The following VXN variants were observed in gnomAD, a reference collection of about 807,000 sequenced individuals.
The protein encoded by VXN is vexin.
In VXN, 7 loss-of-function variants were observed where a neutral mutation model predicts 23.1. That is an observed-to-expected ratio of 0.30 (90% confidence interval 0.17 to 0.57). VXN has a LOEUF of 0.57. VXN is among the 20% of genes least tolerant of loss of function. The pLI is 0.91. For missense variants in VXN, 238 were observed against 272.6 expected (o/e 0.87, Z 0.89); for synonymous variants, 120 against 105.8 (o/e 1.13, Z -0.83).
At chr8:66,504,589 C>CA (rs1171888049) in intron 2 of VXN, among the ~76,000 whole-genome samples, 17 of 152,000 alleles carry the variant, frequency 1.1e-4, no homozygotes, top group East Asian at 3.9e-4. Flanking sequence ...CAATTTTTTC[C>CA]AAAAAAATAC....
At chr8:66,505,786 T>C (rs760042095) in intron 3 of VXN, among the ~76,000 whole-genome samples, 16 of 152,184 alleles carry the variant, frequency 1.1e-4, no homozygotes, top group Non-Finnish European at 1.8e-4. Flanking sequence ...GCAAAGATGC[T>C]CTTATCTAAT....
chr8:66,503,438 C>T (rs1464924646), intron 2 of VXN: 2 of 152,196 alleles, frequency 1.3e-5, no homozygotes, highest in Non-Finnish European at 2.9e-5. Context: ...AAGTGTGAAT[C>T]AAAGACGTCA....
At chr8:66,502,877 C>T (rs1484896010) in intron 2 of VXN, among the ~76,000 whole-genome samples, 2 of 150,466 alleles carry the variant, frequency 1.3e-5, no homozygotes, top group Non-Finnish European at 3.0e-5. Context: ...GATGGGGTCT[C>T]ACTCTGTCCC....
chr8:66,514,512 T>A (rs1187596770), intron 5 of VXN, among the ~76,000 whole-genome samples: 2 of 152,184 alleles, frequency 1.3e-5, no homozygotes, highest in East Asian at 1.9e-4. Context: ...TTTGGCTCAC[T>A]GCAACCTCTA....
At chr8:66,510,433 G>A (rs561663859) in intron 4 of VXN, 53 of 342,352 alleles carry the variant, frequency 1.5e-4, no homozygotes, top group African/African-American at 1.1e-3. Flanking sequence ...TCTTATACAT[G>A]GTGAGGGGTG....
In VXN at chr8:66,497,855, C is replaced by A. The variant is rs1001369773; in HGVS notation, c.126+1363C>A. Among the ~76,000 whole-genome samples, 4 of 151,928 alleles carry A rather than the reference C, an allele frequency of 2.6e-5. No homozygotes were observed. In the East Asian group the frequency reaches 7.8e-4, roughly 30 times the overall value. ...CAGCCTGGGCAACATGAGACCCCGA[C>A]TCTACAAAAAAGTCAAAAAATTAGC... On this transcript the variant is annotated intron_variant, in intron 2 of 5. Transcript: ENST00000305454.
rs368374066 is a variant in VXN at position 66,513,647 on chromosome 8, G to A, written c.440+10G>A. 1.2e-6 allele frequency: 2 copies of A among 1,610,974 alleles called. No individual in the cohort carries two copies. The highest frequency in any genetic ancestry group is 1.7e-6 in the Non-Finnish European group (2 of 1,177,426). On this transcript the variant is annotated intron_variant, in intron 5 of 5. Transcript: ENST00000305454. Reference sequence around the variant, plus strand: ...CTGTTCTGATGAGAGGGTAAGTGCTGCGTCTCTGGCCCCACTGCCTGTGGC... The same window carrying A: ...CTGTTCTGATGAGAGGGTAAGTGCTACGTCTCTGGCCCCACTGCCTGTGGC...
chr8:66,500,895 A>ACAGAGTCT (rs1807684178), intron 2 of VXN, among the ~76,000 whole-genome samples: 1 of 130,474 alleles, frequency 7.7e-6, no homozygotes, highest in Admixed American at 8.3e-5. Context: ...TTTTTTTGAG[A>ACAGAGTCT]CAGAGTCTCA....
chr8:66,509,601 G>T (rs1422555782), intron 3 of VXN, among the ~76,000 whole-genome samples: 1 of 152,190 alleles, frequency 6.6e-6, no homozygotes, highest in Non-Finnish European at 1.5e-5. Flanking sequence ...CCAAGAACCT[G>T]TTTAATCTCT....
At chr8:66,499,221 GTTT>G (rs759637693) in intron 2 of VXN, among the ~76,000 whole-genome samples, 48 of 109,644 alleles carry the variant, frequency 4.4e-4, no homozygotes, top group South Asian at 1.2e-3. Context: ...TATTGGGTTG[GTTT>G]TTTTTTTTTT....
At position 66,516,828 on chromosome 8, in the gene VXN, A is replaced by G. The variant is rs960534117; in HGVS notation, c.*752A>G. On this transcript the variant is annotated 3_prime_UTR_variant, in exon 6 of 6. Coordinates refer to ENST00000305454, the MANE Select transcript of VXN (RefSeq NM_152765.4). ...CAAAACCCCTGTGGAAGAAAGCACA[A>G]TTATTCCCAATCTGCAGAGGGGGAA... The G allele has an allele frequency of 9.2e-5, 14 of 152,222 alleles. No individual in the cohort carries two copies. Among genetic ancestry groups the G allele is most frequent in the African/African-American group, 2.9e-4 (12 of 41,462 alleles). 9.4% of individuals were successfully genotyped at this position (152,222 alleles called of 1,614,324 possible). A position where few individuals can be genotyped will look rare whatever the true frequency, so the allele number is the denominator to read the frequency against.
intron 4 of VXN, among the ~76,000 whole-genome samples, chr8:66,513,228 T>C (rs1807845181): frequency 6.6e-6 from 1 of 152,194 alleles, no homozygotes; most frequent in Non-Finnish European, 1.5e-5. Context: ...CAGTTTCTCA[T>C]TTCTCTCTCC....
At chr8:66,496,628 C>G in intron 2 of VXN, 136 bp downstream of exon 2, 1 of 741,808 alleles carries the variant, frequency 1.3e-6, no homozygotes, top group South Asian at 1.7e-5. Context: ...GTGCTGCACT[C>G]TCCGTTCTCC....
intron 2 of VXN, among the ~76,000 whole-genome samples, chr8:66,499,624 C>T (rs981891355): frequency 3.3e-5 from 5 of 151,886 alleles, no homozygotes; most frequent in Admixed American, 3.3e-4. Context: ...GGCACCATGT[C>T]GGCTCACTGC....
At chr8:66,507,958 T>C (rs1807778039) in intron 3 of VXN, among the ~76,000 whole-genome samples, 1 of 152,146 alleles carries the variant, frequency 6.6e-6, no homozygotes, top group South Asian at 2.1e-4. Flanking sequence ...TGGGGAATCC[T>C]GGGAATTGTA....
rs952897632 is a variant in VXN at position 66,517,568 on chromosome 8, T to C, written c.*1492T>C. 1.3e-5 allele frequency: 2 copies of C among 152,220 alleles called. No individual in the cohort carries two copies. Among genetic ancestry groups the C allele is most frequent in the Non-Finnish European group, 2.9e-5 (2 of 68,034 alleles). The allele number at this position is 152,220 out of a possible 1,614,324, so 9.4% of individuals were successfully genotyped here. A position where few individuals can be genotyped will look rare whatever the true frequency, so the allele number is the denominator to read the frequency against. On this transcript the variant is annotated 3_prime_UTR_variant, in exon 6 of 6. Transcript: ENST00000305454. Reference sequence around the variant, plus strand: ...GATGGGTAGAGGCTGCCCGAAGTACTGTGTAAAGATGGAATCTGAGATAGA... The same window carrying C: ...GATGGGTAGAGGCTGCCCGAAGTACCGTGTAAAGATGGAATCTGAGATAGA...
At chr8:66,500,384 G>A (rs1807677415) in intron 2 of VXN, among the ~76,000 whole-genome samples, 2 of 152,182 alleles carry the variant, frequency 1.3e-5, no homozygotes, top group Admixed American at 6.5e-5. Context: ...TTGACAATCA[G>A]ATAGGTAAAC....
intron 2 of VXN, among the ~76,000 whole-genome samples, chr8:66,498,207 T>G (rs980886027): frequency 8.0e-5 from 12 of 149,696 alleles, no homozygotes; most frequent in African/African-American, 2.9e-4. Flanking sequence ...GGTGCTATGC[T>G]CTTGTTGTCC....
At chr8:66,510,386 T>C (rs1807808284) in intron 4 of VXN, 5 of 493,502 alleles carry the variant, frequency 1.0e-5, no homozygotes, top group Non-Finnish European at 1.8e-5. Context: ...GAAATTCCGC[T>C]CTTAGGCAAA....
Sources: allele counts gnomAD v4.1 joint callset (sites outside exome capture counted in the v4.1 genomes callset), GRCh38; gene constraint gnomAD v4.1.1; transcripts MANE v1.5; gene names NCBI Gene and HGNC (gene_info 2026-07-23, HGNC 2026-07-21).